Variants in PDE8B observed in about 807,000 individuals in gnomAD.
The protein encoded by PDE8B is high affinity cAMP-specific and IBMX-insensitive 3',5'-cyclic phosphodiesterase 8B.
Under a neutral mutation model 101.3 loss-of-function variants are expected in PDE8B, and 26 were observed. That is an observed-to-expected ratio of 0.26 (90% CI 0.19 to 0.36). PDE8B has a LOEUF of 0.36. Ranked by LOEUF, PDE8B falls within the 10% of genes least tolerant of loss-of-function variation. PDE8B has a pLI of 1.00. For synonymous variants in PDE8B, 424 were observed against 429.3 expected, an observed-to-expected ratio of 0.99 and a Z score of 0.15; for missense variants, 810 against 1,163.1, an observed-to-expected ratio of 0.70 and a Z score of 4.42.
the PDE8B span, chr5:77,141,135 T>C: frequency 6.6e-6 from 1 of 152,206 alleles, no homozygotes; most frequent in Non-Finnish European, 1.5e-5. Context: ...ATAACAAAGC[T>C]ATAAATTTTG....
intron 10 of PDE8B, among the ~76,000 whole-genome samples, chr5:77,395,107 A>G (rs1293387176): frequency 6.6e-6 from 1 of 152,000 alleles, no homozygotes; most frequent in Non-Finnish European, 1.5e-5. Flanking sequence ...GAACCCTATC[A>G]ATTTCCAATT....
At chr5:77,157,499 G>A in the PDE8B span, among the ~76,000 whole-genome samples, 2 of 152,332 alleles carry the variant, frequency 1.3e-5, no homozygotes, top group South Asian at 4.1e-4. Flanking sequence ...CATGAGGGTG[G>A]CTGTGAAGAC....
At chr5:77,143,886 C>A in the PDE8B span, 1 of 123,570 alleles carries the variant, frequency 8.1e-6, no homozygotes, top group Admixed American at 8.5e-5. Flanking sequence ...TTTTTTTTAG[C>A]GCTCTGATCA....
chr5:77,180,346 C>A, the PDE8B span: 1 of 669,102 alleles, frequency 1.5e-6, no homozygotes, highest in Non-Finnish European at 1.8e-6. Flanking sequence ...GGGCACGAGG[C>A]CCGGGGAGTG....
At chr5:77,146,903 C>G in the PDE8B span, 34 of 417,914 alleles carry the variant, frequency 8.1e-5, no homozygotes, top group Admixed American at 2.0e-4. Context: ...GAGTATTGCC[C>G]GAAAATCAAA....
intron 1 of PDE8B, among the ~76,000 whole-genome samples, chr5:77,309,706 AC>A (rs1296739798): frequency 6.6e-6 from 1 of 151,004 alleles, no homozygotes; most frequent in Non-Finnish European, 1.5e-5. Context: ...TGCAGCCTCC[AC>A]CTCCCGAGTT....
the PDE8B span, among the ~76,000 whole-genome samples, chr5:77,137,377 G>T: frequency 1.3e-5 from 2 of 152,202 alleles, no homozygotes; most frequent in African/African-American, 4.8e-5. Context: ...CTGGGAAAGA[G>T]CTCTTTTCCA....
At chr5:77,369,323 G>T (rs1482701883) in intron 10 of PDE8B, among the ~76,000 whole-genome samples, 1 of 151,776 alleles carries the variant, frequency 6.6e-6, no homozygotes, top group African/African-American at 2.4e-5. Context: ...AATAAAGAAT[G>T]GCCCCACCTG....
At chr5:77,368,898 T>G (rs1784581649) in intron 10 of PDE8B, among the ~76,000 whole-genome samples, 1 of 151,966 alleles carries the variant, frequency 6.6e-6, no homozygotes, top group Admixed American at 6.6e-5. Context: ...AGACCCCATC[T>G]TAAAGACAAA....
intron 2 of PDE8B, among the ~76,000 whole-genome samples, chr5:77,316,560 C>G (rs1324175341): frequency 6.6e-6 from 1 of 152,144 alleles, no homozygotes; most frequent in African/African-American, 2.4e-5. Context: ...GCTTGCTTAG[C>G]AGTCAAATTT....
chr5:77,158,582 G>T, the PDE8B span, among the ~76,000 whole-genome samples: 1 of 152,214 alleles, frequency 6.6e-6, no homozygotes, highest in African/African-American at 2.4e-5. Context: ...GGTTGATTCT[G>T]GAGCTCTGAG....
At chr5:77,089,767 A>G in the PDE8B span, among the ~76,000 whole-genome samples, 1 of 152,248 alleles carries the variant, frequency 6.6e-6, no homozygotes, top group Non-Finnish European at 1.5e-5. Flanking sequence ...AGATAGAACT[A>G]TCATATGATC....
the PDE8B span, among the ~76,000 whole-genome samples, chr5:77,173,583 C>T: frequency 6.6e-6 from 1 of 151,822 alleles, no homozygotes; most frequent in Non-Finnish European, 1.5e-5. Context: ...GCAAGTGAGT[C>T]AAAATGGAAG....
intron 1 of PDE8B, among the ~76,000 whole-genome samples, chr5:77,299,640 T>C (rs1399810432): frequency 6.6e-6 from 1 of 152,194 alleles, no homozygotes; most frequent in East Asian, 1.9e-4. Context: ...CCATGGTGTA[T>C]ATATGCCACA....
At chr5:77,391,387 AG>A (rs1403898290) in intron 10 of PDE8B, among the ~76,000 whole-genome samples, 1 of 152,210 alleles carries the variant, frequency 6.6e-6, no homozygotes, top group African/African-American at 2.4e-5. Flanking sequence ...TGCTGCAGCC[AG>A]GAAGAGTCTC....
At chr5:77,419,164 G>GAA (rs904008599) in intron 18 of PDE8B, among the ~76,000 whole-genome samples, 1 of 152,176 alleles carries the variant, frequency 6.6e-6, no homozygotes, top group Non-Finnish European at 1.5e-5. Flanking sequence ...AACTTTTGCA[G>GAA]AAAAAATTCT....
At chr5:77,296,498 C>A (rs1362273813) in intron 1 of PDE8B, among the ~76,000 whole-genome samples, 1 of 152,056 alleles carries the variant, frequency 6.6e-6, no homozygotes, top group African/African-American at 2.4e-5. Flanking sequence ...CTTGGCTCCC[C>A]AAAAGCTGGG....
At chr5:77,336,427 TG>T (rs1778213356) in intron 5 of PDE8B, among the ~76,000 whole-genome samples, 1 of 152,250 alleles carries the variant, frequency 6.6e-6, no homozygotes, top group Non-Finnish European at 1.5e-5. Context: ...GTCTGCATTC[TG>T]GCTCAATCAA....
At chr5:77,296,840 C>G (rs1378416377) in intron 1 of PDE8B, among the ~76,000 whole-genome samples, 1 of 152,102 alleles carries the variant, frequency 6.6e-6, no homozygotes, top group Admixed American at 6.6e-5. Flanking sequence ...TTCCTTCTTC[C>G]AGCTCTTATG....
Sources: gnomAD v4.1 joint callset for allele counts (sites outside exome capture counted in the v4.1 genomes callset) on GRCh38, gnomAD v4.1.1 for gene constraint, MANE v1.5 for transcripts, NCBI Gene and HGNC (gene_info 2026-07-23, HGNC 2026-07-21) for gene names.